ADGRL1: variants seen among roughly 807,000 people sequenced by gnomAD.
ADGRL1 encodes the protein adhesion G protein-coupled receptor L1.
In ADGRL1, 31 loss-of-function variants were observed where a neutral mutation model predicts 148.9. The observed-to-expected ratio is 0.21, with a 90% CI of 0.16 to 0.28. The LOEUF is 0.28. ADGRL1 is among the 10% of genes least tolerant of loss of function. The probability of loss-of-function intolerance (pLI) is 1.00; values close to 1 mark genes in which losing one functional copy is unlikely to be tolerated. For missense variants in ADGRL1, 1,521 were observed against 2,058.8 expected, an observed-to-expected ratio of 0.74 and a Z score of 5.05; for synonymous variants, 937 against 900.3, an observed-to-expected ratio of 1.04 and a Z score of -0.73.
rs1568568714 is a variant in ADGRL1 at position 14,155,235 on chromosome 19, C to T, written c.3294+124G>A. 22 of 1,139,598 alleles carry T rather than the reference C, an allele frequency of 1.9e-5. No homozygotes were observed. Among genetic ancestry groups the T allele is most frequent in the Non-Finnish European group, 2.8e-5 (22 of 795,366 alleles). The allele number at this position is 1,139,598 out of a possible 1,614,324, so 70.6% of individuals were successfully genotyped here. A position where few individuals can be genotyped will look rare whatever the true frequency, so the allele number is the denominator to read the frequency against. ...TGGACGCAGACCTGACCACAGAAGCCCTGCAGCACTCACTGGGGGCTTGAG... is the reference window on the plus strand; with the variant it reads ...TGGACGCAGACCTGACCACAGAAGCTCTGCAGCACTCACTGGGGGCTTGAG... On this transcript the variant is annotated intron_variant, in intron 18 of 22. Transcript: ENST00000361434. The surrounding 1 kb of genome is among the most constrained non-coding windows in gnomAD (Gnocchi z 5.0).
At chr19:14,165,909 G>A (rs531510532) in intron 4 of ADGRL1, among the ~76,000 whole-genome samples, 16 of 152,056 alleles carry the variant, frequency 1.1e-4, no homozygotes, top group Non-Finnish European at 1.8e-4. Context: ...TGCTGCTGCC[G>A]GCCTCAGATG....
intron 1 of ADGRL1, among the ~76,000 whole-genome samples, chr19:14,193,644 T>C (rs990034340): frequency 3.3e-5 from 5 of 152,134 alleles, no homozygotes; most frequent in African/African-American, 1.2e-4. Flanking sequence ...GTGACTGTGT[T>C]GGGAACATCT....
At chr19:14,184,646 A>ATTTATTTT (rs1555790748) in intron 1 of ADGRL1, among the ~76,000 whole-genome samples, 371 of 97,696 alleles carry the variant, frequency 3.8e-3, no homozygotes, top group East Asian at 7.5e-3. Flanking sequence ...TTATTTATTT[A>ATTTATTTT]TTTTTTTTTC....
At chr19:14,158,956 C>G in intron 11 of ADGRL1, 134 bp downstream of exon 11, 1 of 1,125,320 alleles carries the variant, frequency 8.9e-7, no homozygotes, top group Non-Finnish European at 1.3e-6. Context: ...CCCATGAATC[C>G]CCTCAAATTT....
intron 4 of ADGRL1, among the ~76,000 whole-genome samples, chr19:14,165,179 A>C (rs1297827943): frequency 6.6e-6 from 1 of 152,188 alleles, no homozygotes; most frequent in Non-Finnish European, 1.5e-5. Flanking sequence ...GGCACAAAGC[A>C]GCCAGGATGT....
Position 14,152,533 on chromosome 19 carries a change from G to C in ADGRL1, c.3504C>G (p.Thr1168=), listed in dbSNP as rs756255979. The C allele has an allele frequency of 1.9e-6, 3 of 1,613,966 alleles. No individual in the cohort carries two copies. The highest frequency in any genetic ancestry group is 1.3e-5 in the African/African-American group (1 of 74,912). Residue 1168 remains threonine, a synonymous_variant, in exon 20 of 23, where the codon ACC becomes ACG. Coordinates refer to ENST00000361434, the MANE Select transcript of ADGRL1 (RefSeq NM_014921.5). This position sits in a 1 kb window ranked among gnomAD's most constrained non-coding sequence, Gnocchi z 6.1. ...SSFMAGDINS[T]PTLNRGTMGN... is the part of the protein sequence containing the mutation. ...CCTTCTCACCTCGGTTCAGGGTGGG[G>C]GTGCTGTTGATGTCACCCGCCATGA...
chr19:14,167,007 T>A (rs200635804), intron 4 of ADGRL1: 1 of 1,611,844 alleles, frequency 6.2e-7, no homozygotes, highest in East Asian at 2.2e-5. Context: ...TTGGTAACAG[T>A]GCGTTTACCT....
intron 3 of ADGRL1, among the ~76,000 whole-genome samples, chr19:14,172,255 CT>C (rs758438934): frequency 3.3e-5 from 5 of 152,102 alleles, no homozygotes; most frequent in Non-Finnish European, 7.4e-5. Context: ...AACCCTGTCT[CT>C]ACTAAAAATA....
intron 15 of ADGRL1, 90 bp downstream of exon 15, chr19:14,156,835 G>C: frequency 1.3e-6 from 2 of 1,530,632 alleles, no homozygotes; most frequent in South Asian, 2.3e-5. Context: ...GGAGGAGGAA[G>C]GGACTACCGC....
In ADGRL1 at chr19:14,155,743, G is replaced by A. The variant is rs1968663576; in HGVS notation, c.3126-216C>T. On this transcript the variant is annotated intron_variant, in intron 17 of 22. Transcript: ENST00000361434. The surrounding 1 kb of genome is among the most constrained non-coding windows in gnomAD (Gnocchi z 5.0). ...GAAAGGTACTGGGTCAGGGGTCGGGGTATTGTGAACATCAGTTATTCCTCT... is the reference window on the plus strand; with the variant it reads ...GAAAGGTACTGGGTCAGGGGTCGGGATATTGTGAACATCAGTTATTCCTCT... 15 of 589,632 alleles carry A rather than the reference G, an allele frequency of 2.5e-5. No homozygotes were observed. In the South Asian group the frequency reaches 2.7e-4, roughly 11 times the overall value. The allele number at this position is 589,632 out of a possible 1,614,324, so 36.5% of individuals were successfully genotyped here. A position where few individuals can be genotyped will look rare whatever the true frequency, so the allele number is the denominator to read the frequency against.
At chr19:14,163,869 C>T (rs1969689818) in intron 4 of ADGRL1, among the ~76,000 whole-genome samples, 1 of 152,102 alleles carries the variant, frequency 6.6e-6, no homozygotes, top group South Asian at 2.1e-4. Flanking sequence ...GCACCCGGCC[C>T]CTTCTCCCTC....
At position 14,152,972 on chromosome 19, in the gene ADGRL1, C is replaced by G; in HGVS notation, c.3295-60G>C. ...CTGGCCTCCTCTGTGATCCAGTCTC[C>G]CACAGGGCTGGTCACAAGACAGGCA... On this transcript the variant is annotated intron_variant, in intron 18 of 22. Coordinates refer to ENST00000361434, the MANE Select transcript of ADGRL1 (RefSeq NM_014921.5). This position sits in a 1 kb window ranked among gnomAD's most constrained non-coding sequence, Gnocchi z 6.1. 5 of 1,589,384 alleles carry G rather than the reference C, an allele frequency of 3.1e-6. 1 individual carries two copies. The South Asian group carries it at 5.6e-5, about 18-fold the overall frequency.
chr19:14,159,355 T>C lies in ADGRL1; in HGVS notation c.2023+46A>G. ...TGGCCTCCAGGCCAGAACCCCGTGG[T>C]TTAAGGTTCGTATCTGAGTTTGCCC... On this transcript the variant is annotated intron_variant, in intron 10 of 22. Transcript: ENST00000361434. This position sits in a 1 kb window ranked among gnomAD's most constrained non-coding sequence, Gnocchi z 6.0. 1 of 1,577,338 alleles carries C rather than the reference T, an allele frequency of 6.3e-7. No homozygotes were observed. Among genetic ancestry groups the C allele is most frequent in the Middle Eastern group, 1.7e-4 (1 of 5,778 alleles).
At chr19:14,179,357 G>C (rs1971036256) in intron 2 of ADGRL1, among the ~76,000 whole-genome samples, 1 of 152,146 alleles carries the variant, frequency 6.6e-6, no homozygotes, top group Non-Finnish European at 1.5e-5. Flanking sequence ...AGCTGGGCAT[G>C]GTGGCGGGCA....
chr19:14,160,013 G>A lies in ADGRL1; in HGVS notation c.1800+99C>T, dbSNP rs1478306464. The A allele has an allele frequency of 4.6e-6, 6 of 1,298,260 alleles. No individual in the cohort carries two copies. Among genetic ancestry groups the A allele is most frequent in the South Asian group, 1.4e-5 (1 of 69,844 alleles). 80.4% of individuals were successfully genotyped at this position (1,298,260 alleles called of 1,614,324 possible). A position where few individuals can be genotyped will look rare whatever the true frequency, so the allele number is the denominator to read the frequency against. ...CTTCCTCTCTGAGGAAAGGAGTGGA[G>A]GTGGCAGCCTGGCTGGGAGGTACCA... On this transcript the variant is annotated intron_variant, in intron 8 of 22. Coordinates refer to ENST00000361434, the MANE Select transcript of ADGRL1 (RefSeq NM_014921.5). The surrounding 1 kb of genome is among the most constrained non-coding windows in gnomAD (Gnocchi z 5.9).
chr19:14,189,488 G>A (rs939470615), intron 1 of ADGRL1, among the ~76,000 whole-genome samples: 15 of 152,076 alleles, frequency 9.9e-5, no homozygotes, highest in African/African-American at 3.6e-4. Flanking sequence ...TCTTGGCCTC[G>A]TAAAGTGCTG....
intron 1 of ADGRL1, among the ~76,000 whole-genome samples, chr19:14,190,359 T>C (rs1052492730): frequency 2.1e-4 from 32 of 152,210 alleles, no homozygotes; most frequent in Admixed American, 9.8e-4. Context: ...CTCGAACTCC[T>C]GGGCTCAAGA....
At chr19:14,167,988 C>G (rs1469248569) in intron 4 of ADGRL1, among the ~76,000 whole-genome samples, 1 of 152,154 alleles carries the variant, frequency 6.6e-6, no homozygotes, top group Non-Finnish European at 1.5e-5. Flanking sequence ...CAAAGCAAAT[C>G]CAGCATTAGT....
rs533099993 is a variant in ADGRL1, at chr19:14,157,677, T to C, written c.2535+205A>G. Among the ~76,000 whole-genome samples, 3 of 152,328 alleles carry C rather than the reference T, an allele frequency of 2.0e-5. No individual in the cohort carries two copies. Among genetic ancestry groups the C allele is most frequent in the African/African-American group, 7.2e-5 (3 of 41,568 alleles). On this transcript the variant is annotated intron_variant, in intron 13 of 22. Coordinates refer to ENST00000361434, the MANE Select transcript of ADGRL1 (RefSeq NM_014921.5). The surrounding 1 kb of genome is among the most constrained non-coding windows in gnomAD (Gnocchi z 7.5). ...AGAGATGACCAACGTAACACCAACTTGCTTCTCCAGAGTGCCTTGGGAGAC... is the reference window on the plus strand; with the variant it reads ...AGAGATGACCAACGTAACACCAACTCGCTTCTCCAGAGTGCCTTGGGAGAC...
Sources: allele counts gnomAD v4.1 joint callset (sites outside exome capture counted in the v4.1 genomes callset), GRCh38; gene constraint gnomAD v4.1.1; non-coding constraint Gnocchi (gnomAD v3.1); transcripts MANE v1.5; gene names NCBI Gene and HGNC (gene_info 2026-07-23, HGNC 2026-07-21).